METTL15: variants seen among roughly 807,000 people sequenced by gnomAD.
The protein encoded by METTL15 is methyltransferase 15, mitochondrial 12S rRNA N4-cytidine, also known as 12S rRNA N(4)-cytidine methyltransferase METTL15.
Under a neutral mutation model 38.3 loss-of-function variants are expected in METTL15, and 34 were observed. The ratio of observed to expected loss-of-function variants is 0.89; its 90% CI spans 0.68 to 1.18. The LOEUF (loss-of-function observed/expected upper bound fraction) is 1.18. METTL15 is among the 50% of genes most tolerant of loss of function. METTL15 has a pLI of 0.00. For missense variants in METTL15, 438 were observed against 498.4 expected, an observed-to-expected ratio of 0.88 and a Z score of 1.15; for synonymous variants, 162 against 170.9, an observed-to-expected ratio of 0.95 and a Z score of 0.41.
chr11:28,282,301 C>G (rs1856085377), intron 4 of METTL15, among the ~76,000 whole-genome samples: 1 of 152,134 alleles, frequency 6.6e-6, no homozygotes, highest in Admixed American at 6.6e-5. Flanking sequence ...CTGTCAATCA[C>G]CAACCGACAC....
chr11:28,225,169 TTA>T (rs1390238229), intron 4 of METTL15, among the ~76,000 whole-genome samples: 3 of 151,924 alleles, frequency 2.0e-5, no homozygotes, highest in Admixed American at 2.0e-4. Flanking sequence ...GATTTAGATA[TTA>T]GTGTCTACTC....
intron 3 of METTL15, among the ~76,000 whole-genome samples, chr11:28,130,936 C>G (rs1852744098): frequency 6.6e-6 from 1 of 152,156 alleles, no homozygotes; most frequent in Non-Finnish European, 1.5e-5. Flanking sequence ...TTGCTGCCCC[C>G]TCTCCTTCAT....
chr11:28,380,043 T>C (rs1350277911), intron 5 of METTL15, among the ~76,000 whole-genome samples: 1 of 152,228 alleles, frequency 6.6e-6, no homozygotes, highest in African/African-American at 2.4e-5. Context: ...TTTTTTGGTT[T>C]ATTTCCATAG....
chr11:28,210,939 GTAATTATTTTCC>G (rs1852608406), intron 3 of METTL15, 111 bp from the exon 4 acceptor site: 6 of 1,023,650 alleles, frequency 5.9e-6, no homozygotes, highest in Non-Finnish European at 8.3e-6. Flanking sequence ...CACAACGATT[GTAATTATTTTCC>G]TATTTACTGT....
chr11:28,152,696 G>A (rs1850133636), intron 3 of METTL15, among the ~76,000 whole-genome samples: 1 of 151,890 alleles, frequency 6.6e-6, no homozygotes, highest in South Asian at 2.1e-4. Flanking sequence ...TGTCATATTT[G>A]TATATAACTG....
chr11:28,140,863 G>C (rs1052890605), intron 3 of METTL15, among the ~76,000 whole-genome samples: 5 of 152,132 alleles, frequency 3.3e-5, no homozygotes, highest in African/African-American at 1.2e-4. Flanking sequence ...CACTTAGTCC[G>C]CTGCGGGCAT....
chr11:28,406,254 G>A (rs1290597184), intron 5 of METTL15, among the ~76,000 whole-genome samples: 1 of 151,900 alleles, frequency 6.6e-6, no homozygotes, highest in African/African-American at 2.4e-5. Flanking sequence ...TTATTTCCTT[G>A]AGCAGTGGTT....
chr11:28,295,912 C>T (rs1856716204), intron 5 of METTL15, among the ~76,000 whole-genome samples: 1 of 152,074 alleles, frequency 6.6e-6, no homozygotes, highest in South Asian at 2.1e-4. Flanking sequence ...AGTAACTGCA[C>T]CATTAGCAAA....
At chr11:28,391,958 A>T (rs57923200) in intron 5 of METTL15, among the ~76,000 whole-genome samples, 1 of 152,262 alleles carries the variant, frequency 6.6e-6, no homozygotes, top group South Asian at 2.1e-4. Flanking sequence ...GCCAAAATTG[A>T]CAAATGGGAT....
intron 6 of METTL15, among the ~76,000 whole-genome samples, chr11:28,519,776 T>A (rs1851749378): frequency 1.3e-5 from 2 of 151,798 alleles, no homozygotes. Context: ...TAAAAAAAAA[T>A]AGCATAGACA....
At chr11:28,136,876 G>A (rs756838739) in intron 3 of METTL15, among the ~76,000 whole-genome samples, 21 of 151,254 alleles carry the variant, frequency 1.4e-4, no homozygotes, top group South Asian at 4.2e-4. Context: ...CCAGATTACC[G>A]TAAGTTCTTT....
At chr11:28,369,124 A>T (rs1450882626) in intron 5 of METTL15, among the ~76,000 whole-genome samples, 1 of 152,096 alleles carries the variant, frequency 6.6e-6, no homozygotes. Flanking sequence ...CACATTCTGC[A>T]CATGTACCCC....
chr11:28,328,159 G>A, intron 6 of METTL15: 1 of 1,610,794 alleles, frequency 6.2e-7, no homozygotes, highest in East Asian at 2.2e-5. Context: ...GAATTGAATA[G>A]CAAATGGTAA....
intron 6 of METTL15, among the ~76,000 whole-genome samples, chr11:28,455,885 T>C (rs572661489): frequency 1.3e-5 from 2 of 151,822 alleles, no homozygotes; most frequent in Non-Finnish European, 2.9e-5. Flanking sequence ...TTTTTGTATT[T>C]TTAGTAGAGA....
At chr11:28,269,376 T>C (rs951970184) in intron 4 of METTL15, among the ~76,000 whole-genome samples, 1 of 152,062 alleles carries the variant, frequency 6.6e-6, no homozygotes, top group Non-Finnish European at 1.5e-5. Flanking sequence ...TTTATATCCT[T>C]AAAATGTGTA....
chr11:28,372,989 T>C (rs1327669689), intron 5 of METTL15, among the ~76,000 whole-genome samples: 3 of 151,920 alleles, frequency 2.0e-5, no homozygotes, highest in Admixed American at 6.6e-5. Context: ...ATGGTGTATA[T>C]GTGCCACATT....
chr11:28,528,516 G>A (rs1851826560), downstream of METTL15, among the ~76,000 whole-genome samples: 1 of 152,138 alleles, frequency 6.6e-6, no homozygotes, highest in Non-Finnish European at 1.5e-5. Flanking sequence ...AGAACAAACT[G>A]AACCCAGATG....
At chr11:28,469,828 T>G (rs1284477732) in intron 6 of METTL15, among the ~76,000 whole-genome samples, 1 of 152,126 alleles carries the variant, frequency 6.6e-6, no homozygotes, top group Non-Finnish European at 1.5e-5. Flanking sequence ...GACACGGGAA[T>G]GTAACATAGG....
Position 28,277,018 on chromosome 11 carries a change from A to C in METTL15, c.408-13188A>C, listed in dbSNP as rs549775317. ...GCAAATAATTTATAACAAACACCTCAAAAGTACAGGCAACAAACCCAAACA... is the reference window on the plus strand; with the variant it reads ...GCAAATAATTTATAACAAACACCTCCAAAGTACAGGCAACAAACCCAAACA... On this transcript the variant is annotated intron_variant, in intron 4 of 6. Coordinates refer to ENST00000407364, the MANE Select transcript of METTL15 (RefSeq NM_001113528.2). Among the ~76,000 whole-genome samples the C allele has an allele frequency of 3.9e-4, 60 of 152,354 alleles. 2 individuals carry two copies. The South Asian group carries it at 0.012, about 31-fold the overall frequency.
Sources: gnomAD v4.1 joint callset for allele counts (sites outside exome capture counted in the v4.1 genomes callset) on GRCh38, gnomAD v4.1.1 for gene constraint, MANE v1.5 for transcripts, NCBI Gene and HGNC (gene_info 2026-07-23, HGNC 2026-07-21) for gene names.